TLR7: variants seen among roughly 807,000 people sequenced by gnomAD.
TLR7 encodes the protein toll-like receptor 7.
Under a neutral mutation model 38.3 loss-of-function variants are expected in TLR7, and 12 were observed. That is an observed-to-expected ratio of 0.31 (90% CI 0.20 to 0.51). The LOEUF (loss-of-function observed/expected upper bound fraction) is 0.51, where lower values mean the gene tolerates loss of function less well. Ranked by LOEUF, TLR7 falls within the 20% of genes least tolerant of loss-of-function variation. The pLI is 0.98. For synonymous variants in TLR7, 285 were observed against 293.8 expected, an observed-to-expected ratio of 0.97 and a Z score of 0.31; for missense variants, 504 against 743.4, an observed-to-expected ratio of 0.68 and a Z score of 3.74.
chrX:12,881,874 G>T (rs1306952888), intron 2 of TLR7, among the ~76,000 whole-genome samples: 1 of 111,904 alleles, frequency 8.9e-6, no homozygotes, highest in Admixed American at 9.5e-5. Flanking sequence ...CCTGGCATGT[G>T]GTAAGTGCTA....
At chrX:12,872,343 C>T (rs1169734757) in intron 2 of TLR7, among the ~76,000 whole-genome samples, 2 of 111,598 alleles carry the variant, frequency 1.8e-5, no homozygotes, top group Non-Finnish European at 3.8e-5. Context: ...GCGGTGACTG[C>T]GACTGGAATC....
intron 2 of TLR7, among the ~76,000 whole-genome samples, chrX:12,882,145 G>C (rs778106261): frequency 1.9e-4 from 21 of 111,893 alleles, no homozygotes; most frequent in Non-Finnish European, 2.8e-4. Context: ...GTAAAGGAGG[G>C]GAAAGATGGC....
chrX:12,885,032 C>T (rs1280906178), intron 2 of TLR7, among the ~76,000 whole-genome samples: 2 of 112,635 alleles, frequency 1.8e-5, no homozygotes, highest in African/African-American at 6.4e-5. Flanking sequence ...ATTTGTAAAA[C>T]GGGAATCTTA....
In TLR7 at chrX:12,886,406, A is replaced by C; in HGVS notation, c.898A>C (p.Asn300His). ...TELKVLRLHSNSLQHVPPRWF... is the reference protein window; with the variant it reads ...TELKVLRLHSHSLQHVPPRWF... ...ATTAAAAGTTTTACGTCTACACAGT[A>C]ACTCTCTTCAGCATGTGCCCCCAAG... is the stretch of plus-strand genomic sequence containing the variant. Residue 300 changes from asparagine to histidine, a missense_variant, in exon 3 of 3, where the codon AAC becomes CAC. By Grantham distance (68) the Asn-to-His change is moderately conservative (BLOSUM62 1). Transcript: ENST00000380659. 1 of 1,211,825 alleles carries C rather than the reference A, an allele frequency of 8.3e-7. No individual in the cohort carries two copies.
intron 2 of TLR7, among the ~76,000 whole-genome samples, chrX:12,883,840 G>A (rs2042900892): frequency 9.0e-6 from 1 of 111,116 alleles, no homozygotes; most frequent in African/African-American, 3.3e-5. Flanking sequence ...AAAAGATAGG[G>A]GGGTGACAAG....
At chrX:12,884,049 G>A (rs943768931) in intron 2 of TLR7, among the ~76,000 whole-genome samples, 3 of 111,205 alleles carry the variant, frequency 2.7e-5, no homozygotes. Flanking sequence ...GTGTGATCAC[G>A]GCTCACTGCA....
intron 2 of TLR7, among the ~76,000 whole-genome samples, chrX:12,880,141 G>A (rs1274923096): frequency 9.0e-6 from 1 of 111,214 alleles, no homozygotes; most frequent in Non-Finnish European, 1.9e-5. Context: ...TGTGTCTCCT[G>A]CTCCTAGTAG....
chrX:12,889,747 C>A lies in TLR7; in HGVS notation c.*1089C>A, dbSNP rs929532698. ...TGTATCCAAAGTAAAATTTCCTCAT[C>A]CAATATCTTTCAAACTGTTTTGTTA... On this transcript the variant is annotated 3_prime_UTR_variant, in exon 3 of 3. Coordinates refer to ENST00000380659, the MANE Select transcript of TLR7 (RefSeq NM_016562.4). 3 of 112,992 alleles carry A rather than the reference C, an allele frequency of 2.7e-5. No individual in the cohort carries two copies. Among genetic ancestry groups the A allele is most frequent in the African/African-American group, 9.6e-5 (3 of 31,136 alleles). 9.3% of individuals were successfully genotyped at this position (112,992 alleles called of 1,213,427 possible).
At position 12,887,598 on chromosome X, in the gene TLR7, G is replaced by A; in HGVS notation, c.2090G>A (p.Cys697Tyr). The A allele has an allele frequency of 8.3e-7, 1 of 1,210,110 alleles. No individual in the cohort carries two copies. The highest frequency in any genetic ancestry group is 1.1e-6 in the Non-Finnish European group (1 of 894,927). ...TCTTTCAGTTGGAAGAAACTCCAGT[G>A]TCTAAAGAACCTGGAAACTTTGGAC... ...LKSFSWKKLQ[C>Y]LKNLETLDLS... Residue 697 changes from cysteine to tyrosine, a missense_variant, in exon 3 of 3, where the codon TGT becomes TAT. Coordinates refer to ENST00000380659, the MANE Select transcript of TLR7 (RefSeq NM_016562.4).
intron 2 of TLR7, among the ~76,000 whole-genome samples, chrX:12,884,573 G>A (rs907316457): frequency 1.3e-4 from 15 of 111,891 alleles, no homozygotes; most frequent in Non-Finnish European, 2.6e-4. Flanking sequence ...TTTCTCCCTA[G>A]GGTCCCAGTG....
chrX:12,869,830 CA>C (rs34022797), intron 2 of TLR7, among the ~76,000 whole-genome samples: 16,516 of 50,956 alleles, frequency 0.32, 1,252 homozygotes, highest in African/African-American at 0.4. Context: ...TGCAGCCAGG[CA>C]AAAAAAAAAA....
chrX:12,876,026 G>T (rs1435035500), intron 2 of TLR7, among the ~76,000 whole-genome samples: 6 of 105,648 alleles, frequency 5.7e-5, no homozygotes, highest in Non-Finnish European at 9.7e-5. Context: ...TGGTATGATC[G>T]TGGCTTACTG....
chrX:12,871,475 C>T (rs931779843), intron 2 of TLR7, among the ~76,000 whole-genome samples: 2 of 111,974 alleles, frequency 1.8e-5, no homozygotes, highest in Non-Finnish European at 3.8e-5. Flanking sequence ...CCGGCCATTG[C>T]TTACTTCTTC....
Position 12,885,405 on chromosome X carries a change from A to G in TLR7, c.4-107A>G, listed in dbSNP as rs999232426. ...TTAGACAGCTGAAAATAAGACCTGA[A>G]TTGTTTATTTTTAAAATGTTGCAAA... On this transcript the variant is annotated intron_variant, in intron 2 of 2. Transcript: ENST00000380659. 10 of 735,166 alleles carry G rather than the reference A, an allele frequency of 1.4e-5. No individual in the cohort carries two copies. In the Admixed American group the frequency reaches 2.8e-4, roughly 20 times the overall value. 60.6% of individuals were successfully genotyped at this position (735,166 alleles called of 1,213,427 possible).
intron 2 of TLR7, among the ~76,000 whole-genome samples, chrX:12,878,185 T>C (rs2042879727): frequency 8.9e-6 from 1 of 111,937 alleles, no homozygotes; most frequent in Non-Finnish European, 1.9e-5. Context: ...TCTCTTAGAA[T>C]TGGGATAAGC....
Position 12,881,138 on chromosome X carries a change from A to G in TLR7, c.4-4374A>G, listed in dbSNP as rs1030733972. ...GCTACTTGGGAGGCTGAAGCAGGAG[A>G]ATCGCTTGAACCCGGGAGGTGGAGG... On this transcript the variant is annotated intron_variant, in intron 2 of 2. Transcript: ENST00000380659. Among the ~76,000 whole-genome samples, 3 of 109,773 alleles carry G rather than the reference A, an allele frequency of 2.7e-5. No homozygotes were observed. In the East Asian group the frequency reaches 8.5e-4, roughly 31 times the overall value.
intron 2 of TLR7, among the ~76,000 whole-genome samples, chrX:12,873,917 G>C (rs929770199): frequency 8.9e-6 from 1 of 112,166 alleles, no homozygotes; most frequent in African/African-American, 3.2e-5. Context: ...TTTTACTATT[G>C]GTAGTTTCCC....
intron 2 of TLR7, among the ~76,000 whole-genome samples, chrX:12,881,173 A>G (rs1337658582): frequency 1.8e-5 from 2 of 109,050 alleles, no homozygotes; most frequent in African/African-American, 6.7e-5. Flanking sequence ...GTTGCAGTGA[A>G]CCGAGATTAT....
intron 2 of TLR7, among the ~76,000 whole-genome samples, chrX:12,879,409 A>G (rs151230232): frequency 2.1e-4 from 24 of 112,117 alleles, no homozygotes; most frequent in African/African-American, 7.4e-4. Flanking sequence ...AGAAAATCCA[A>G]TTGACATTGG....
Sources: allele counts gnomAD v4.1 joint callset (sites outside exome capture counted in the v4.1 genomes callset), GRCh38; gene constraint gnomAD v4.1.1; transcripts MANE v1.5; gene names NCBI Gene and HGNC (gene_info 2026-07-23, HGNC 2026-07-21).